PLEKHM3: variants seen among roughly 807,000 people sequenced by gnomAD.
PLEKHM3 encodes the protein pleckstrin homology domain containing M3, also known as pleckstrin homology domain-containing family M member 3.
PLEKHM3 carries 45 observed loss-of-function variants against 81.8 expected under a neutral mutation model. The observed-to-expected ratio is 0.55, with a 90% CI of 0.43 to 0.71. The LOEUF (loss-of-function observed/expected upper bound fraction) is 0.71. PLEKHM3 is among the 30% of genes least tolerant of loss of function. The probability of loss-of-function intolerance (pLI) is 0.00; values close to 1 mark genes in which losing one functional copy is unlikely to be tolerated. For synonymous variants in PLEKHM3, 352 were observed against 356.4 expected, an observed-to-expected ratio of 0.99 and a Z score of 0.14; for missense variants, 788 against 924.3, an observed-to-expected ratio of 0.85 and a Z score of 1.91.
At chr2:207,905,749 T>A (rs1233921953) in intron 6 of PLEKHM3, among the ~76,000 whole-genome samples, 2 of 152,202 alleles carry the variant, frequency 1.3e-5, no homozygotes, top group Admixed American at 1.3e-4. Flanking sequence ...AGTGAATGGA[T>A]GCATTGAGCT....
intron 7 of PLEKHM3, among the ~76,000 whole-genome samples, chr2:207,860,151 CTGTGTGTGTGTGTGTGTGTGTGTGTG>C (rs55739776): frequency 1.2e-4 from 13 of 110,702 alleles, no homozygotes; most frequent in Non-Finnish European, 1.8e-4. Flanking sequence ...AACTCTGCCT[CTGTGTGTGTGTGTGTGTGTGTGTGTG>C]TGTGTGTGTG....
intron 4 of PLEKHM3, among the ~76,000 whole-genome samples, chr2:207,933,514 G>A (rs918344519): frequency 1.3e-5 from 2 of 152,184 alleles, no homozygotes; most frequent in Non-Finnish European, 2.9e-5. Context: ...TTCTGGCTCT[G>A]TTGAGCAGTG....
chr2:207,902,312 G>C (rs759910257), intron 6 of PLEKHM3, among the ~76,000 whole-genome samples: 3 of 152,184 alleles, frequency 2.0e-5, no homozygotes, highest in Non-Finnish European at 2.9e-5. Context: ...TTTGTTTGGT[G>C]GGGCAGGGCC....
chr2:207,991,726 G>A (rs1366428012), intron 2 of PLEKHM3, among the ~76,000 whole-genome samples: 1 of 152,054 alleles, frequency 6.6e-6, no homozygotes, highest in African/African-American at 2.4e-5. Flanking sequence ...GATCCTTGGG[G>A]CAGCTGTAGC....
intron 3 of PLEKHM3, among the ~76,000 whole-genome samples, chr2:207,948,937 A>C (rs1006945160): frequency 2.0e-5 from 3 of 152,078 alleles, no homozygotes; most frequent in Admixed American, 2.0e-4. Context: ...TTGGACTCCC[A>C]AAGTGCTAGG....
rs540478831 is a variant in PLEKHM3 at position 207,976,685 on chromosome 2, T to C, written c.1512A>G (p.Glu504=). The C allele has an allele frequency of 1.9e-6, 3 of 1,614,156 alleles. No homozygotes were observed. The East Asian group carries it at 6.7e-5, about 36-fold the overall frequency. Residue 504 remains glutamate (E), a synonymous_variant, in exon 3 of 8, where the codon GAA becomes GAG. Coordinates refer to ENST00000427836, the MANE Select transcript of PLEKHM3 (RefSeq NM_001080475.3). The surrounding 1 kb of genome is among the most constrained non-coding windows in gnomAD (Gnocchi z 4.1). ...FLSILTTLSL[E]RGLTAQSFKC... is the part of the protein sequence containing the mutation. ...TGAAACTCTGAGCAGTGAGTCCTCG[T>C]TCCAAAGACAAAGTCGTCAAAATGC...
chr2:207,916,869 T>C (rs992225352), intron 5 of PLEKHM3, among the ~76,000 whole-genome samples: 2 of 152,234 alleles, frequency 1.3e-5, no homozygotes, highest in African/African-American at 4.8e-5. Context: ...TATGTATGTA[T>C]GTAGTTTAGT....
intron 4 of PLEKHM3, among the ~76,000 whole-genome samples, chr2:207,931,524 A>C (rs908511605): frequency 2.6e-5 from 4 of 152,274 alleles, no homozygotes; most frequent in South Asian, 2.1e-4. Context: ...TTGTCTATGC[A>C]ATTTCCTGTG....
Position 207,821,334 on chromosome 2 carries a change from C to T in PLEKHM3, c.*6985G>A, listed in dbSNP as rs1048276072. ...AGAGAGAGAGAGAGAGAACTTTATA[C>T]ATTAGGAACTGGTGCACTTAAATTA... On this transcript the variant is annotated 3_prime_UTR_variant, in exon 8 of 8. Transcript: ENST00000427836. The T allele has an allele frequency of 3.9e-5, 6 of 152,026 alleles. No homozygotes were observed. Among genetic ancestry groups the T allele is most frequent in the Non-Finnish European group, 8.8e-5 (6 of 68,022 alleles). 9.4% of individuals were successfully genotyped at this position (152,026 alleles called of 1,614,324 possible).
At chr2:207,979,767 G>T (rs1036370504) in intron 2 of PLEKHM3, among the ~76,000 whole-genome samples, 2 of 152,094 alleles carry the variant, frequency 1.3e-5, no homozygotes, top group African/African-American at 4.8e-5. Context: ...AAGAAAAAAA[G>T]AGTAATACAG....
At chr2:208,011,172 T>C (rs987554838) in intron 1 of PLEKHM3, among the ~76,000 whole-genome samples, 2 of 149,628 alleles carry the variant, frequency 1.3e-5, no homozygotes, top group East Asian at 4.0e-4. Flanking sequence ...CCATGGAAAA[T>C]AGTGTGGCGA....
chr2:207,982,813 CG>C (rs1268768925), intron 2 of PLEKHM3, among the ~76,000 whole-genome samples: 1 of 151,562 alleles, frequency 6.6e-6, no homozygotes, highest in Non-Finnish European at 1.5e-5. Context: ...CTCCTGACCT[CG>C]TGATCTGCTT....
intron 5 of PLEKHM3, among the ~76,000 whole-genome samples, chr2:207,922,192 T>C (rs1574408465): frequency 6.6e-6 from 1 of 152,322 alleles, no homozygotes; most frequent in East Asian, 1.9e-4. Context: ...TGGGGTGAGA[T>C]GATATCTCCT....
At chr2:208,004,065 T>C (rs1022336178) in intron 1 of PLEKHM3, among the ~76,000 whole-genome samples, 4 of 152,128 alleles carry the variant, frequency 2.6e-5, no homozygotes, top group African/African-American at 9.7e-5. Flanking sequence ...TTTTGATTTA[T>C]CAAACTATCT....
At position 207,908,544 on chromosome 2, in the gene PLEKHM3, G is replaced by C; in HGVS notation, c.1920C>G (p.Ile640Met). 1 of 1,613,172 alleles carries C rather than the reference G, an allele frequency of 6.2e-7. No individual in the cohort carries two copies. Among genetic ancestry groups the C allele is most frequent in the East Asian group, 2.2e-5 (1 of 44,816 alleles). ...IFPREYLLQQ[I>M]HLYSLADLQQ... Reference sequence around the variant, plus strand: ...GCAGGTCGGCAAGTGAATACAGGTGGATCTGTTGAAGGAGGTATTCTCTGG... The same window carrying C: ...GCAGGTCGGCAAGTGAATACAGGTGCATCTGTTGAAGGAGGTATTCTCTGG... Residue 640 changes from isoleucine (I) to methionine (M), a missense_variant, in exon 6 of 8, where the codon ATC (isoleucine) becomes ATG (methionine). By Grantham distance (10) the Ile-to-Met change is conservative (BLOSUM62 1). Coordinates refer to ENST00000427836, the MANE Select transcript of PLEKHM3 (RefSeq NM_001080475.3).
intron 6 of PLEKHM3, among the ~76,000 whole-genome samples, chr2:207,904,665 T>A (rs1024527481): frequency 2.0e-5 from 3 of 152,178 alleles, no homozygotes; most frequent in Non-Finnish European, 2.9e-5. Flanking sequence ...AAAGCAATTG[T>A]CAATCCTTGC....
At chr2:207,956,086 C>T (rs570512832) in intron 3 of PLEKHM3, among the ~76,000 whole-genome samples, 1 of 152,254 alleles carries the variant, frequency 6.6e-6, no homozygotes, top group South Asian at 2.1e-4. Context: ...TTTGGAAACA[C>T]TGGATATTCT....
intron 7 of PLEKHM3, among the ~76,000 whole-genome samples, chr2:207,853,648 C>A (rs932961264): frequency 6.6e-6 from 1 of 151,850 alleles, no homozygotes; most frequent in African/African-American, 2.4e-5. Context: ...GCAGGAGAAT[C>A]ACTTGAACCC....
At chr2:207,984,737 C>T (rs1691659062) in intron 2 of PLEKHM3, among the ~76,000 whole-genome samples, 1 of 152,138 alleles carries the variant, frequency 6.6e-6, no homozygotes, top group African/African-American at 2.4e-5. Flanking sequence ...ATTTTGTTGA[C>T]ATGTCTTTTA....
Sources: allele counts gnomAD v4.1 joint callset (sites outside exome capture counted in the v4.1 genomes callset), GRCh38; gene constraint gnomAD v4.1.1; non-coding constraint Gnocchi (gnomAD v3.1); transcripts MANE v1.5; gene names NCBI Gene and HGNC (gene_info 2026-07-23, HGNC 2026-07-21).